DNAJC25: variants seen among roughly 807,000 people sequenced by gnomAD.
DNAJC25 encodes DnaJ heat shock protein family (Hsp40) member C25, also known as dnaJ homolog subfamily C member 25.
DNAJC25 carries 26 observed loss-of-function variants against 42.1 expected under a neutral mutation model. That is an observed-to-expected ratio of 0.62 (90% CI 0.45 to 0.86). DNAJC25 has a LOEUF of 0.86. Among genes scored for constraint, DNAJC25 ranks in the 40% least tolerant of loss-of-function variants. DNAJC25 has a pLI of 0.00. For missense variants in DNAJC25, 404 were observed against 459.4 expected (o/e 0.88, Z 1.10); for synonymous variants, 189 against 179.9 (o/e 1.05, Z -0.40).
At chr9:111,650,627 A>C (rs1011500167) in intron 3 of DNAJC25, among the ~76,000 whole-genome samples, 2 of 152,164 alleles carry the variant, frequency 1.3e-5, no homozygotes, top group African/African-American at 4.8e-5. Context: ...TGTTAAATAT[A>C]AGAATAGAGC....
chr9:111,648,421 C>T (rs1470748449), intron 2 of DNAJC25, among the ~76,000 whole-genome samples: 1 of 148,992 alleles, frequency 6.7e-6, no homozygotes, highest in African/African-American at 2.5e-5. Flanking sequence ...GCCACCACAC[C>T]TGGCTAATTT....
intron 1 of DNAJC25, among the ~76,000 whole-genome samples, chr9:111,639,745 A>G (rs889007583): frequency 3.3e-5 from 5 of 151,818 alleles, no homozygotes; most frequent in Admixed American, 2.6e-4. Flanking sequence ...AGTAAGATTA[A>G]TATATATTGA....
intron 1 of DNAJC25, among the ~76,000 whole-genome samples, chr9:111,636,540 G>C (rs1438220245): frequency 6.6e-6 from 1 of 152,076 alleles, no homozygotes; most frequent in Non-Finnish European, 1.5e-5. Flanking sequence ...GGCTGGTCTT[G>C]AAATCCTATG....
intron 1 of DNAJC25, among the ~76,000 whole-genome samples, chr9:111,633,251 G>C (rs999253795): frequency 6.6e-6 from 1 of 152,150 alleles, no homozygotes; most frequent in Non-Finnish European, 1.5e-5. Flanking sequence ...TAGTAAAATT[G>C]ATAGGATTAG....
Position 111,653,087 on chromosome 9 carries a change from T to G in DNAJC25, c.961-13T>G. On this transcript the variant is annotated splice_polypyrimidine_tract_variant and intron_variant, in intron 3 of 3. Transcript: ENST00000313525. Reference sequence around the variant, plus strand: ...TTTGGATTGTGAAGTCATCTAGTTATTTATACTTACAGGTCTACAAGCAAG... The same window carrying G: ...TTTGGATTGTGAAGTCATCTAGTTAGTTATACTTACAGGTCTACAAGCAAG... The G allele has an allele frequency of 2.5e-6, 4 of 1,576,108 alleles. No individual in the cohort carries two copies. Among genetic ancestry groups the G allele is most frequent in the South Asian group, 1.2e-5 (1 of 84,310 alleles).
At chr9:111,633,561 T>G (rs1830319611) in intron 1 of DNAJC25, among the ~76,000 whole-genome samples, 1 of 152,182 alleles carries the variant, frequency 6.6e-6, no homozygotes, top group Non-Finnish European at 1.5e-5. Context: ...TTCTGGAAGA[T>G]GGAGAACTTC....
At position 111,640,905 on chromosome 9, in the gene DNAJC25, C is replaced by T. The variant is rs1426384508; in HGVS notation, c.337-6202C>T. Among the ~76,000 whole-genome samples, 2 of 94,084 alleles carry T rather than the reference C, an allele frequency of 2.1e-5. 1 individual carries two copies. The highest frequency in any genetic ancestry group is 1.3e-4 in the African/African-American group (2 of 15,088). The allele number at this position is 94,084 out of a possible 152,430, so 61.7% of individuals were successfully genotyped here. A position where few individuals can be genotyped will look rare whatever the true frequency, so the allele number is the denominator to read the frequency against. ...GAGGTGGGGGGTCAGCCCCCCCGCC[C>T]GGCCAGCCGTGCCGTCCGGCCAGCC... On this transcript the variant is annotated intron_variant, in intron 1 of 3. Transcript: ENST00000313525.
In DNAJC25 at chr9:111,642,622, T is replaced by A. The variant is rs960554122; in HGVS notation, c.337-4485T>A. Among the ~76,000 whole-genome samples, 44 of 148,430 alleles carry A rather than the reference T, an allele frequency of 3.0e-4. 1 individual carries two copies. Among genetic ancestry groups the A allele is most frequent in the African/African-American group, 1.0e-3 (40 of 40,018 alleles). ...AATTATCAATAAATAAATAAATAAATAAATAAATAAATAAATAAATAAAAA... is the reference window on the plus strand; with the variant it reads ...AATTATCAATAAATAAATAAATAAAAAAATAAATAAATAAATAAATAAAAA... On this transcript the variant is annotated intron_variant, in intron 1 of 3. Transcript: ENST00000313525.
intron 1 of DNAJC25, among the ~76,000 whole-genome samples, chr9:111,635,317 C>CT (rs1228336010): frequency 6.6e-6 from 1 of 152,150 alleles, no homozygotes; most frequent in Non-Finnish European, 1.5e-5. Flanking sequence ...TATAAAAACT[C>CT]TTATCTGGAG....
intron 3 of DNAJC25, 51 bp from the exon 4 acceptor site, chr9:111,653,035 CCATAAAGCTAATGG>C: frequency 7.0e-7 from 1 of 1,424,726 alleles, no homozygotes; most frequent in South Asian, 1.8e-5. Context: ...TGTAAATATG[CCATAAAGCTAATGG>C]CAAATGTTCC....
intron 3 of DNAJC25, among the ~76,000 whole-genome samples, chr9:111,652,610 C>T (rs1830680518): frequency 6.6e-6 from 1 of 150,536 alleles, no homozygotes; most frequent in African/African-American, 2.4e-5. Context: ...GGCATGATCT[C>T]AGCTCACTGC....
rs758620820 is a variant in DNAJC25 at position 111,649,863 on chromosome 9, A to AG, written c.901dup (p.Glu301GlyfsTer10). 1 of 1,604,518 alleles carries AG rather than the reference A, an allele frequency of 6.2e-7. No homozygotes were observed. The highest frequency in any genetic ancestry group is 8.5e-7 in the Non-Finnish European group (1 of 1,177,806). ...TGTCAAAGTCTCAATTTGATAGTCT[A>AG]GAAGATCATCAGAAAGAAACTTTTC... On this transcript the variant is annotated frameshift_variant, in exon 3 of 4. Coordinates refer to ENST00000313525, the MANE Select transcript of DNAJC25 (RefSeq NM_001015882.3). LOFTEE classifies it high-confidence loss of function.
At chr9:111,631,849 A>G (rs1396575745) in intron 1 of DNAJC25, 106 bp downstream of exon 1, 20 of 1,399,502 alleles carry the variant, frequency 1.4e-5, no homozygotes, top group Non-Finnish European at 1.8e-5. Context: ...CCCGAAACTG[A>G]GCACAGCCAC....
intron 1 of DNAJC25, among the ~76,000 whole-genome samples, chr9:111,635,348 TG>T (rs1830347788): frequency 1.3e-5 from 2 of 152,336 alleles, no homozygotes; most frequent in East Asian, 3.9e-4. Context: ...AGAATGGAAA[TG>T]GAAAGTGGAT....
intron 2 of DNAJC25, among the ~76,000 whole-genome samples, chr9:111,648,547 G>A (rs2131268669): frequency 6.6e-6 from 1 of 152,196 alleles, no homozygotes; most frequent in South Asian, 2.1e-4. Flanking sequence ...TGGGATTACA[G>A]GCATGAGCCC....
chr9:111,652,870 G>A (rs1424226162), intron 3 of DNAJC25, among the ~76,000 whole-genome samples: 2 of 151,958 alleles, frequency 1.3e-5, no homozygotes, highest in African/African-American at 4.8e-5. Flanking sequence ...TTCTTATACA[G>A]GTTGTTCTTT....
intron 1 of DNAJC25, among the ~76,000 whole-genome samples, chr9:111,643,879 GTTC>G (rs1830525904): frequency 6.6e-6 from 1 of 152,080 alleles, no homozygotes; most frequent in African/African-American, 2.4e-5. Flanking sequence ...GTATCCTCTT[GTTC>G]TTACTAGGTT....
intron 3 of DNAJC25, among the ~76,000 whole-genome samples, chr9:111,652,697 A>T (rs1830681668): frequency 6.6e-6 from 1 of 151,484 alleles, no homozygotes; most frequent in African/African-American, 2.4e-5. Context: ...ATGTGCCACC[A>T]CGCCCAGCTA....
At chr9:111,648,072 C>A (rs61082778) in intron 2 of DNAJC25, among the ~76,000 whole-genome samples, 1 of 152,142 alleles carries the variant, frequency 6.6e-6, no homozygotes, top group Admixed American at 6.5e-5. Context: ...CCACTGTGCC[C>A]GGCCAGGAAC....
Sources: gnomAD v4.1 joint callset for allele counts (sites outside exome capture counted in the v4.1 genomes callset) on GRCh38, gnomAD v4.1.1 for gene constraint, MANE v1.5 for transcripts, NCBI Gene and HGNC (gene_info 2026-07-23, HGNC 2026-07-21) for gene names.